Variants in ANK3 observed in about 807,000 individuals in gnomAD.
The protein encoded by ANK3 is ankyrin-3.
A neutral mutation model predicts 370.9 loss-of-function variants in ANK3; 57 were observed. The observed-to-expected ratio is 0.15, with a 90% CI of 0.12 to 0.19. ANK3 has a LOEUF of 0.19. ANK3 is among the 10% of genes least tolerant of loss of function. ANK3 has a pLI of 1.00. For missense variants in ANK3, 4,439 were observed against 5,302.1 expected, an observed-to-expected ratio of 0.84 and a Z score of 5.06; for synonymous variants, 1,929 against 1,946.3, an observed-to-expected ratio of 0.99 and a Z score of 0.23.
intron 2 of ANK3, among the ~76,000 whole-genome samples, chr10:60,577,984 C>T (rs1231193357): frequency 1.3e-5 from 2 of 152,086 alleles, no homozygotes. Context: ...TGATTTTTGC[C>T]ATATCTAATG....
At chr10:60,492,706 C>CAAAAAAAAAAAAAAAA (rs764367710) in intron 2 of ANK3, among the ~76,000 whole-genome samples, 1 of 57,528 alleles carries the variant, frequency 1.7e-5, no homozygotes, top group Non-Finnish European at 3.2e-5. Context: ...GACTCTGTCT[C>CAAAAAAAAAAAAAAAA]AAAAAAAAAA....
At chr10:60,724,133 C>T (rs1185817085) in intron 1 of ANK3, among the ~76,000 whole-genome samples, 1 of 129,786 alleles carries the variant, frequency 7.7e-6, no homozygotes, top group Admixed American at 8.3e-5. Flanking sequence ...TGGCGTGAAC[C>T]CGGGAGGCGG....
At chr10:60,652,445 A>G (rs918904267) in intron 1 of ANK3, among the ~76,000 whole-genome samples, 2 of 152,042 alleles carry the variant, frequency 1.3e-5, no homozygotes, top group Non-Finnish European at 2.9e-5. Context: ...AAATTAAAAG[A>G]AGGAGAGATA....
intron 2 of ANK3, among the ~76,000 whole-genome samples, chr10:60,547,432 C>T (rs976728294): frequency 2.6e-5 from 4 of 151,346 alleles, no homozygotes; most frequent in Non-Finnish European, 4.4e-5. Context: ...GACAGAGTAT[C>T]GCTCTGTTGC....
At chr10:60,366,570 T>C (rs1002482036) in intron 1 of ANK3, among the ~76,000 whole-genome samples, 4 of 151,494 alleles carry the variant, frequency 2.6e-5, no homozygotes, top group African/African-American at 9.7e-5. Context: ...ACTAGACTTT[T>C]CCTGTTTAAT....
At chr10:60,187,437 G>A (rs1417089902) in intron 16 of ANK3, among the ~76,000 whole-genome samples, 1 of 152,174 alleles carries the variant, frequency 6.6e-6, no homozygotes, top group Non-Finnish European at 1.5e-5. Flanking sequence ...TTACAGGCGT[G>A]AGTCACTGCG....
intron 8 of ANK3, among the ~76,000 whole-genome samples, chr10:60,218,153 T>C (rs1434765728): frequency 6.7e-6 from 1 of 150,372 alleles, no homozygotes; most frequent in African/African-American, 2.5e-5. Flanking sequence ...TCTCCATCCC[T>C]TTATTTTGAG....
intron 25 of ANK3, among the ~76,000 whole-genome samples, chr10:60,126,868 G>A (rs2093790035): frequency 6.6e-6 from 1 of 152,260 alleles, no homozygotes; most frequent in Non-Finnish European, 1.5e-5. Context: ...TGTTCCCATT[G>A]ATATGTGGTT....
intron 1 of ANK3, among the ~76,000 whole-genome samples, chr10:60,732,939 C>T (rs1202918260): frequency 6.6e-6 from 1 of 151,784 alleles, no homozygotes; most frequent in South Asian, 2.1e-4. Context: ...GCCCGGGGCC[C>T]GCTTTTCTTT....
intron 7 of ANK3, among the ~76,000 whole-genome samples, chr10:60,244,389 T>A (rs1276856901): frequency 6.6e-6 from 1 of 152,206 alleles, no homozygotes; most frequent in Non-Finnish European, 1.5e-5. Context: ...AAAGATTAAC[T>A]TATACAGCCT....
At chr10:60,261,096 A>G (rs1165282737) in intron 7 of ANK3, among the ~76,000 whole-genome samples, 1 of 152,158 alleles carries the variant, frequency 6.6e-6, no homozygotes, top group Non-Finnish European at 1.5e-5. Context: ...ATATTATCTC[A>G]TCTTATAAAT....
chr10:60,289,101 A>AG (rs912592513), intron 1 of ANK3, among the ~76,000 whole-genome samples: 2 of 152,244 alleles, frequency 1.3e-5, no homozygotes, highest in Admixed American at 6.5e-5. Context: ...AAGAAGACCT[A>AG]GGGGGGCTAG....
chr10:60,427,446 T>C (rs1595009553), intron 2 of ANK3, among the ~76,000 whole-genome samples: 2 of 151,554 alleles, frequency 1.3e-5, no homozygotes, highest in Non-Finnish European at 1.5e-5. Flanking sequence ...ACCACAGAGA[T>C]AAGAGAAAAC....
intron 4 of ANK3, among the ~76,000 whole-genome samples, chr10:60,275,367 C>T (rs1333556375): frequency 6.6e-6 from 1 of 152,130 alleles, no homozygotes; most frequent in African/African-American, 2.4e-5. Flanking sequence ...CTGTCTAATA[C>T]ACATCAAAAT....
chr10:60,695,658 A>T (rs2079436357), intron 1 of ANK3, among the ~76,000 whole-genome samples: 1 of 152,232 alleles, frequency 6.6e-6, no homozygotes, highest in African/African-American at 2.4e-5. Flanking sequence ...ACTGCTGGGT[A>T]CATAATGAAA....
chr10:60,392,384 A>G (rs1454196254), upstream of ANK3, among the ~76,000 whole-genome samples: 1 of 152,236 alleles, frequency 6.6e-6, no homozygotes, highest in African/African-American at 2.4e-5. Context: ...ATGAATCTTT[A>G]AAGTACAACC....
At chr10:60,391,646 C>G (rs192194152), upstream of ANK3, among the ~76,000 whole-genome samples, 1 of 152,206 alleles carries the variant, frequency 6.6e-6, no homozygotes, top group Non-Finnish European at 1.5e-5. Flanking sequence ...TCTTTATAGA[C>G]GCTAATGATA....
chr10:60,059,217 A>C, intron 41 of ANK3, 123 bp downstream of exon 41: 1 of 782,742 alleles, frequency 1.3e-6, no homozygotes, highest in Non-Finnish European at 2.2e-6. Flanking sequence ...TGGTCTTTAA[A>C]GCAGGTTTTA....
chr10:60,550,814 T>C (rs2077072640), intron 2 of ANK3, among the ~76,000 whole-genome samples: 2 of 152,080 alleles, frequency 1.3e-5, no homozygotes. Flanking sequence ...ACTGGGAAGT[T>C]TTTTTGTTTT....
Sources: gnomAD v4.1 joint callset for allele counts (sites outside exome capture counted in the v4.1 genomes callset) on GRCh38, gnomAD v4.1.1 for gene constraint, MANE v1.5 for transcripts, NCBI Gene and HGNC (gene_info 2026-07-23, HGNC 2026-07-21) for gene names.